TAFA2: variants seen among roughly 807,000 people sequenced by gnomAD.
The protein encoded by TAFA2 is chemokine-like protein TAFA-2.
Under a neutral mutation model 18.8 loss-of-function variants are expected in TAFA2, and 7 were observed. The ratio of observed to expected loss-of-function variants is 0.37; its 90% CI spans 0.21 to 0.70. TAFA2 has a LOEUF of 0.70. TAFA2 is among the 30% of genes least tolerant of loss of function. The probability of loss-of-function intolerance (pLI) is 0.53; values close to 1 mark genes in which losing one functional copy is unlikely to be tolerated. For synonymous variants in TAFA2, 60 were observed against 54.2 expected, an observed-to-expected ratio of 1.11 and a Z score of -0.47; for missense variants, 122 against 158.1, an observed-to-expected ratio of 0.77 and a Z score of 1.23.
intron 1 of TAFA2, among the ~76,000 whole-genome samples, chr12:61,970,630 C>A (rs1879215221): frequency 6.6e-6 from 1 of 151,184 alleles, no homozygotes; most frequent in African/African-American, 2.4e-5. Context: ...AAACTATGTT[C>A]TTCTCGAGAA....
rs143670223 is a variant in TAFA2, at chr12:61,753,999, G to A, written c.260-253C>T. 4.1e-3 allele frequency among the ~76,000 whole-genome samples: 625 copies of A among 152,094 alleles called. 3 individuals carry two copies. Among genetic ancestry groups the A allele is most frequent in the Non-Finnish European group, 6.2e-3 (421 of 67,968 alleles). On this transcript the variant is annotated intron_variant, in intron 3 of 4. Coordinates refer to ENST00000416284, the MANE Select transcript of TAFA2 (RefSeq NM_178539.5). Reference sequence around the variant, plus strand: ...TGAGATCTATCCACTTAATAAAATTGTAAGTGTAGAATGCAGTATAGTTAA... The same window carrying A: ...TGAGATCTATCCACTTAATAAAATTATAAGTGTAGAATGCAGTATAGTTAA...
chr12:62,146,302 T>TC (rs1447472326), intron 1 of TAFA2, among the ~76,000 whole-genome samples: 1 of 148,216 alleles, frequency 6.7e-6, no homozygotes, highest in Admixed American at 6.7e-5. Flanking sequence ...TTTTTTTTTT[T>TC]TGACAGGATC....
At chr12:61,944,084 CA>C in intron 1 of TAFA2, among the ~76,000 whole-genome samples, 1 of 129,308 alleles carries the variant, frequency 7.7e-6, no homozygotes, top group Non-Finnish European at 1.6e-5. Flanking sequence ...TGTAAAAGAA[CA>C]GAAATTATAA....
intron 1 of TAFA2, among the ~76,000 whole-genome samples, chr12:61,955,829 C>T (rs950948521): frequency 1.3e-5 from 2 of 151,064 alleles, no homozygotes; most frequent in Non-Finnish European, 2.9e-5. Flanking sequence ...AGATATGACT[C>T]AACCACAAGT....
intron 2 of TAFA2, among the ~76,000 whole-genome samples, chr12:61,833,560 A>C (rs896458699): frequency 6.6e-6 from 1 of 152,026 alleles, no homozygotes. Flanking sequence ...TAATATTGAT[A>C]ATATATAATT....
At chr12:62,178,650 T>C (rs1163048054) in intron 1 of TAFA2, among the ~76,000 whole-genome samples, 1 of 152,158 alleles carries the variant, frequency 6.6e-6, no homozygotes, top group African/African-American at 2.4e-5. Context: ...GACTCACAGG[T>C]ATGACATAAA....
intron 1 of TAFA2, among the ~76,000 whole-genome samples, chr12:62,230,223 TTTG>T (rs2062806490): frequency 6.6e-6 from 1 of 152,142 alleles, no homozygotes; most frequent in African/African-American, 2.4e-5. Flanking sequence ...TTCTCTGATC[TTTG>T]TTATTTCTTT....
At chr12:62,030,582 A>G (rs1017905081) in intron 1 of TAFA2, among the ~76,000 whole-genome samples, 10 of 152,184 alleles carry the variant, frequency 6.6e-5, no homozygotes, top group Non-Finnish European at 1.5e-4. Context: ...GTAAGTGGGA[A>G]AAACAGCCAC....
intron 1 of TAFA2, among the ~76,000 whole-genome samples, chr12:62,187,498 T>C (rs1365084696): frequency 6.6e-6 from 1 of 152,162 alleles, no homozygotes; most frequent in African/African-American, 2.4e-5. Flanking sequence ...CATATGTATG[T>C]ATGTATGTAT....
At chr12:61,980,399 A>G (rs1879589984) in intron 1 of TAFA2, among the ~76,000 whole-genome samples, 1 of 152,236 alleles carries the variant, frequency 6.6e-6, no homozygotes, top group Non-Finnish European at 1.5e-5. Flanking sequence ...AACCAGCACA[A>G]GACAAGGATG....
chr12:61,937,497 G>A (rs1256834248), intron 1 of TAFA2, among the ~76,000 whole-genome samples: 2 of 152,022 alleles, frequency 1.3e-5, no homozygotes, highest in Admixed American at 1.3e-4. Context: ...CAGAAAAAAA[G>A]CCAAATACCT....
At chr12:61,762,065 C>T (rs977997866) in intron 2 of TAFA2, among the ~76,000 whole-genome samples, 1 of 152,078 alleles carries the variant, frequency 6.6e-6, no homozygotes, top group Non-Finnish European at 1.5e-5. Flanking sequence ...TGTAAGTTTC[C>T]TGCAGCCTCC....
chr12:61,923,563 C>T (rs1465012924), intron 1 of TAFA2, among the ~76,000 whole-genome samples: 1 of 152,058 alleles, frequency 6.6e-6, no homozygotes, highest in African/African-American at 2.4e-5. Context: ...AGGATGCCCA[C>T]ACAAAAATGC....
intron 1 of TAFA2, among the ~76,000 whole-genome samples, chr12:62,220,845 C>A (rs930772568): frequency 6.6e-5 from 10 of 151,800 alleles, no homozygotes; most frequent in African/African-American, 2.4e-4. Flanking sequence ...CGGTGGCTCA[C>A]GCCTGTAAGA....
In TAFA2 at chr12:62,106,297, G is replaced by A. The variant is rs147401072; in HGVS notation, c.-2+84962C>T. 3.3e-3 allele frequency among the ~76,000 whole-genome samples: 496 copies of A among 152,010 alleles called. 4 individuals carry two copies. Among genetic ancestry groups the A allele is most frequent in the African/African-American group, 0.012 (480 of 41,450 alleles). ...TGCAGTGAGCCGAGATCATGCCACT[G>A]CACTCCAGCCTAAGCAACAGAGTGA... On this transcript the variant is annotated intron_variant, in intron 1 of 4. Coordinates refer to ENST00000416284, the MANE Select transcript of TAFA2 (RefSeq NM_178539.5).
At chr12:62,016,351 T>C (rs1231902772) in intron 1 of TAFA2, among the ~76,000 whole-genome samples, 1 of 152,198 alleles carries the variant, frequency 6.6e-6, no homozygotes, top group Non-Finnish European at 1.5e-5. Context: ...TCTAGGACTG[T>C]GAGACTCAGT....
intron 1 of TAFA2, among the ~76,000 whole-genome samples, chr12:62,177,999 TA>T (rs1347836672): frequency 1.3e-4 from 20 of 152,054 alleles, no homozygotes; most frequent in Non-Finnish European, 2.9e-5. Context: ...CAGAGGAGGG[TA>T]AGCCTCAAAG....
At chr12:62,153,943 T>TATGTTATGTTATGTTATG (rs2062349377) in intron 1 of TAFA2, among the ~76,000 whole-genome samples, 1 of 151,100 alleles carries the variant, frequency 6.6e-6, no homozygotes, top group African/African-American at 2.4e-5. Context: ...TATGTTATGT[T>TATGTTATGTTATGTTATG]ATGTTATGTT....
intron 2 of TAFA2, among the ~76,000 whole-genome samples, chr12:61,767,782 A>ATT (rs545923692): frequency 6.7e-6 from 1 of 148,830 alleles, no homozygotes. Flanking sequence ...GATGAAGCTC[A>ATT]TTTTTTTTTT....
Sources: gnomAD v4.1 joint callset for allele counts (sites outside exome capture counted in the v4.1 genomes callset) on GRCh38, gnomAD v4.1.1 for gene constraint, MANE v1.5 for transcripts, NCBI Gene and HGNC (gene_info 2026-07-23, HGNC 2026-07-21) for gene names.